The following MTA3 variants were observed in gnomAD, a reference collection of about 807,000 sequenced individuals.
MTA3 encodes metastasis associated 1 family member 3, also known as metastasis-associated protein MTA3.
In MTA3, 34 loss-of-function variants were observed where a neutral mutation model predicts 83.5. The ratio of observed to expected loss-of-function variants is 0.41; its 90% CI spans 0.31 to 0.54. The LOEUF (loss-of-function observed/expected upper bound fraction) is 0.54, where lower values mean the gene tolerates loss of function less well. Among genes scored for constraint, MTA3 ranks in the 20% least tolerant of loss-of-function variants. The pLI is 0.33. For missense variants in MTA3, 761 were observed against 726.4 expected, an observed-to-expected ratio of 1.05 and a Z score of -0.55; for synonymous variants, 303 against 252.7, an observed-to-expected ratio of 1.20 and a Z score of -1.89.
intron 16 of MTA3, among the ~76,000 whole-genome samples, chr2:42,729,011 C>T (rs1353084808): frequency 4.0e-5 from 6 of 149,674 alleles, no homozygotes; most frequent in African/African-American, 1.2e-4. Flanking sequence ...GTGGATATTA[C>T]TCAAGAAATA....
intron 2 of MTA3, among the ~76,000 whole-genome samples, chr2:42,559,308 C>T (rs1389449423): frequency 2.0e-5 from 3 of 151,576 alleles, no homozygotes; most frequent in Non-Finnish European, 4.4e-5. Context: ...TGGAGACCAG[C>T]CTGGCCAACA....
chr2:42,533,831 CAAAAA>C (rs11362156), intron 2 of MTA3, among the ~76,000 whole-genome samples: 3 of 114,918 alleles, frequency 2.6e-5, no homozygotes, highest in Admixed American at 1.9e-4. Context: ...GACTCCGTCT[CAAAAA>C]AAAAAAAAAA....
At chr2:42,563,088 G>C (rs1677743738) in intron 2 of MTA3, among the ~76,000 whole-genome samples, 1 of 152,042 alleles carries the variant, frequency 6.6e-6, no homozygotes, top group Admixed American at 6.6e-5. Context: ...CCCTAGGCCA[G>C]ACCACCACCC....
chr2:42,529,006 G>C (rs572740697), intron 2 of MTA3, among the ~76,000 whole-genome samples: 2 of 152,290 alleles, frequency 1.3e-5, no homozygotes, highest in Admixed American at 6.5e-5. Context: ...GTAGTTTGTA[G>C]CCTGTTTACA....
intron 4 of MTA3, among the ~76,000 whole-genome samples, chr2:42,634,787 A>G (rs991496045): frequency 2.6e-5 from 4 of 152,102 alleles, no homozygotes; most frequent in Admixed American, 6.6e-5. Flanking sequence ...TCTGGCATTT[A>G]TACTGTTCTT....
At chr2:42,528,983 G>A (rs1482289136) in intron 2 of MTA3, among the ~76,000 whole-genome samples, 5 of 152,208 alleles carry the variant, frequency 3.3e-5, no homozygotes, top group Non-Finnish European at 2.9e-5. Context: ...AAAACTTGGA[G>A]ATTGGTACTG....
intron 3 of MTA3, among the ~76,000 whole-genome samples, chr2:42,602,809 C>T (rs1244541239): frequency 6.6e-6 from 1 of 152,128 alleles, no homozygotes. Context: ...CTGGGCTATC[C>T]TTATCCAGAG....
At chr2:42,591,563 A>G (rs769749784) in intron 3 of MTA3, among the ~76,000 whole-genome samples, 6 of 152,188 alleles carry the variant, frequency 3.9e-5, no homozygotes, top group Non-Finnish European at 7.3e-5. Flanking sequence ...AACTTAAAAC[A>G]CAAACACATT....
intron 2 of MTA3, chr2:42,511,759 C>T (rs1674907826): frequency 6.6e-6 from 1 of 152,204 alleles, no homozygotes; most frequent in African/African-American, 2.4e-5. Context: ...TGGCTCACGC[C>T]TGTAATCCCA....
intron 16 of MTA3, chr2:42,752,204 A>G (rs1386763625): frequency 2.1e-6 from 1 of 471,368 alleles, no homozygotes; most frequent in Admixed American, 2.3e-5. Context: ...TCAAATACCA[A>G]GCTGGGTACA....
chr2:42,569,211 C>CG (rs1193668108), intron 1 of MTA3, among the ~76,000 whole-genome samples: 24 of 54,018 alleles, frequency 4.4e-4, no homozygotes, highest in Non-Finnish European at 1.3e-4. Context: ...GGGGTGGGGG[C>CG]GGTGGGGGCC....
intron 2 of MTA3, among the ~76,000 whole-genome samples, chr2:42,533,911 C>T (rs1181184199): frequency 4.0e-5 from 6 of 151,308 alleles, no homozygotes; most frequent in African/African-American, 1.5e-4. Context: ...TTCTCTCTTT[C>T]TTTTTACTTT....
At chr2:42,647,155 T>TAAAAAAAAAAAAAAA (rs1553373420) in intron 6 of MTA3, among the ~76,000 whole-genome samples, 1 of 92,064 alleles carries the variant, frequency 1.1e-5, no homozygotes. Context: ...AGACTCTGTC[T>TAAAAAAAAAAAAAAA]AAAAAAAAAA....
rs541752333 is a variant in MTA3 at position 42,500,658 on chromosome 2, T to C, written c.-141+5404T>C. Among the ~76,000 whole-genome samples, 55 of 152,172 alleles carry C rather than the reference T, an allele frequency of 3.6e-4. 1 individual carries two copies. The highest frequency in any genetic ancestry group is 7.2e-4 in the Non-Finnish European group (49 of 68,032). ...TTTTTTCCTCTACCTTCCTAGGTTC[T>C]TGGCCTATGCTCCTACAAATTAGAC... is the stretch of plus-strand genomic sequence containing the variant. On this transcript the variant is annotated intron_variant, in intron 2 of 17. Transcript: ENST00000405592.
intron 5 of MTA3, among the ~76,000 whole-genome samples, chr2:42,643,032 TC>T (rs1687834874): frequency 3.2e-5 from 2 of 62,482 alleles, no homozygotes; most frequent in African/African-American, 8.4e-5. Flanking sequence ...CATATTGGTG[TC>T]TCCCCCCCCC....
At chr2:42,706,139 C>T (rs1476334544) in intron 12 of MTA3, among the ~76,000 whole-genome samples, 1 of 151,848 alleles carries the variant, frequency 6.6e-6, no homozygotes, top group African/African-American at 2.4e-5. Flanking sequence ...GTGGGGGGAG[C>T]AGGGAGGGAT....
At chr2:42,500,880 G>A (rs1258423047) in intron 2 of MTA3, among the ~76,000 whole-genome samples, 2 of 148,436 alleles carry the variant, frequency 1.3e-5, no homozygotes, top group East Asian at 2.0e-4. Flanking sequence ...GCGTGATCTC[G>A]GCTCACTGCA....
chr2:42,634,714 C>T (rs1687017469), intron 4 of MTA3, among the ~76,000 whole-genome samples: 1 of 151,874 alleles, frequency 6.6e-6, no homozygotes, highest in South Asian at 2.1e-4. Flanking sequence ...CTAATAATAT[C>T]CAAGGCAGTC....
chr2:42,648,949 G>C (rs1688453661), intron 6 of MTA3, among the ~76,000 whole-genome samples: 2 of 152,140 alleles, frequency 1.3e-5, no homozygotes, highest in Non-Finnish European at 2.9e-5. Context: ...ACCCCTCCAA[G>C]TTCCTGTTTC....
Sources: gnomAD v4.1 joint callset for allele counts (sites outside exome capture counted in the v4.1 genomes callset) on GRCh38, gnomAD v4.1.1 for gene constraint, MANE v1.5 for transcripts, NCBI Gene and HGNC (gene_info 2026-07-23, HGNC 2026-07-21) for gene names.